Variants in SORBS2 observed in about 807,000 individuals in gnomAD.
SORBS2 encodes sorbin and SH3 domain-containing protein 2.
In SORBS2, 46 loss-of-function variants were observed where a neutral mutation model predicts 97.7. The observed-to-expected ratio is 0.47, with a 90% CI of 0.37 to 0.60. SORBS2 has a LOEUF of 0.60. Ranked by LOEUF, SORBS2 falls within the 20% of genes least tolerant of loss-of-function variation. SORBS2 has a pLI of 0.00. For synonymous variants in SORBS2, 476 were observed against 473.4 expected (o/e 1.01, Z -0.07); for missense variants, 1,316 against 1,282.3 (o/e 1.03, Z -0.40).
At chr4:185,718,187 C>T (rs7694583) in intron 2 of SORBS2, among the ~76,000 whole-genome samples, 11,228 of 151,596 alleles carry the variant, frequency 0.074, 791 homozygotes, top group East Asian at 0.21. Flanking sequence ...GCCAAGATCG[C>T]GCCATTGCAC....
chr4:185,955,948 C>T (rs1236034073), intron 1 of SORBS2, among the ~76,000 whole-genome samples: 1 of 151,884 alleles, frequency 6.6e-6, no homozygotes, highest in Non-Finnish European at 1.5e-5. Context: ...ACCTTCGCAA[C>T]AATAGCAAGA....
chr4:185,939,875 A>AT (rs997685905), intron 1 of SORBS2, among the ~76,000 whole-genome samples: 2 of 152,014 alleles, frequency 1.3e-5, no homozygotes, highest in African/African-American at 4.8e-5. Flanking sequence ...CTTCATCCCC[A>AT]TGCCCCCAGT....
At chr4:185,638,915 T>TG in intron 4 of SORBS2, 1 of 1,491,852 alleles carries the variant, frequency 6.7e-7, no homozygotes, top group East Asian at 2.8e-5. Flanking sequence ...GAGCTTGGTG[T>TG]GGGGGCGCCA....
At chr4:185,908,716 T>C (rs1336610739) in intron 1 of SORBS2, among the ~76,000 whole-genome samples, 2 of 151,922 alleles carry the variant, frequency 1.3e-5, no homozygotes, top group Non-Finnish European at 2.9e-5. Context: ...GTAAAAACTT[T>C]TAGAGCAAAG....
chr4:185,610,246 A>C (rs2153400477), intron 12 of SORBS2, among the ~76,000 whole-genome samples: 1 of 152,330 alleles, frequency 6.6e-6, no homozygotes, highest in Middle Eastern at 3.4e-3. Context: ...TTGAAGGTAC[A>C]GTTGCTTTGA....
intron 1 of SORBS2, among the ~76,000 whole-genome samples, chr4:185,913,138 T>C (rs1389727991): frequency 2.0e-5 from 3 of 152,224 alleles, no homozygotes; most frequent in Non-Finnish European, 4.4e-5. Flanking sequence ...CACAAGGATG[T>C]TTTGCTTCTT....
At position 185,916,150 on chromosome 4, in the gene SORBS2, G is replaced by GT. The variant is rs140197299; in HGVS notation, c.-338+40045dup. Among the ~76,000 whole-genome samples, 46 of 152,314 alleles carry GT rather than the reference G, an allele frequency of 3.0e-4. No homozygotes were observed. In the East Asian group the frequency reaches 8.5e-3, roughly 28 times the overall value. Reference sequence around the variant, plus strand: ...GAGGGCCACTCAGGGTGCAGTATGAGTCATGGACCGGAGGGAAACAAGAAT... The same window carrying GT: ...GAGGGCCACTCAGGGTGCAGTATGAGTTCATGGACCGGAGGGAAACAAGAAT... On this transcript the variant is annotated intron_variant, in intron 1 of 20. Transcript: ENST00000284776.
intron 2 of SORBS2, among the ~76,000 whole-genome samples, chr4:185,759,602 A>G (rs2098854360): frequency 9.8e-6 from 1 of 102,478 alleles, no homozygotes; most frequent in African/African-American, 3.5e-5. Context: ...TGAGTTCTCT[A>G]GGAATTGAAA....
At chr4:185,788,811 G>A (rs907796362) in intron 1 of SORBS2, among the ~76,000 whole-genome samples, 1 of 152,200 alleles carries the variant, frequency 6.6e-6, no homozygotes, top group African/African-American at 2.4e-5. Flanking sequence ...CTAAATTGCA[G>A]AGCCTCCACC....
chr4:185,644,324 T>TAC (rs1202324596), intron 4 of SORBS2, among the ~76,000 whole-genome samples: 20 of 152,190 alleles, frequency 1.3e-4, no homozygotes, highest in Admixed American at 1.2e-3. Flanking sequence ...TTTCCTGTCT[T>TAC]ACAACCAGTC....
At chr4:185,939,990 T>G (rs1243203100) in intron 1 of SORBS2, among the ~76,000 whole-genome samples, 1 of 152,226 alleles carries the variant, frequency 6.6e-6, no homozygotes, top group Non-Finnish European at 1.5e-5. Context: ...TTGACCCAGA[T>G]GAGCCGCACC....
Position 185,953,855 on chromosome 4 carries a change from G to A in SORBS2, c.-338+2341C>T, listed in dbSNP as rs554033817. 3.3e-5 allele frequency among the ~76,000 whole-genome samples: 5 copies of A among 152,334 alleles called. 1 individual carries two copies. The highest frequency in any genetic ancestry group is 4.1e-4 in the South Asian group (2 of 4,828). ...CTGCCCAAGTAGGGCCAATCTCCCC[G>A]GTGTGGGCAGGGAGTAGGCGCAGAG... On this transcript the variant is annotated intron_variant, in intron 1 of 20. Transcript: ENST00000284776.
chr4:185,825,171 C>T (rs1251291960), intron 1 of SORBS2, among the ~76,000 whole-genome samples: 1 of 151,482 alleles, frequency 6.6e-6, no homozygotes, highest in Non-Finnish European at 1.5e-5. Flanking sequence ...TTATTAGGCA[C>T]ATGGGGAATA....
intron 1 of SORBS2, among the ~76,000 whole-genome samples, chr4:185,787,359 T>G (rs2099061104): frequency 6.6e-6 from 1 of 152,128 alleles, no homozygotes. Flanking sequence ...ACTGAACTGA[T>G]GCATTGGGGA....
At chr4:185,769,920 A>C (rs12640727) in intron 2 of SORBS2, among the ~76,000 whole-genome samples, 27,935 of 152,148 alleles carry the variant, frequency 0.18, 2,754 homozygotes, top group Middle Eastern at 0.27. Context: ...AGCAGCAACA[A>C]ACAATGCAGG....
At chr4:185,746,123 T>C (rs2098758367) in intron 2 of SORBS2, among the ~76,000 whole-genome samples, 1 of 152,174 alleles carries the variant, frequency 6.6e-6, no homozygotes, top group Non-Finnish European at 1.5e-5. Context: ...AGACAATGTT[T>C]TCTCTGCGCC....
intron 4 of SORBS2, chr4:185,638,942 A>AG: frequency 6.6e-7 from 1 of 1,516,568 alleles, no homozygotes; most frequent in Non-Finnish European, 8.8e-7. Context: ...GGCGGAGGGG[A>AG]GGGGCTACCA....
chr4:185,765,343 C>G (rs1284101445), intron 2 of SORBS2, among the ~76,000 whole-genome samples: 2 of 151,866 alleles, frequency 1.3e-5, no homozygotes, highest in Admixed American at 6.6e-5. Context: ...GTTAAACATA[C>G]CAAATAGTCT....
Position 185,838,022 on chromosome 4 carries a change from A to G in SORBS2, c.-337-62656T>C, listed in dbSNP as rs142004108. ...CTCTGGTCTGAAAGTCTGTGTCCCT[A>G]CTGAAGTTCTACAGCTTCTTTTATA... is the stretch of plus-strand genomic sequence containing the variant. On this transcript the variant is annotated intron_variant, in intron 1 of 20. Transcript: ENST00000284776. 3.5e-3 allele frequency among the ~76,000 whole-genome samples: 538 copies of G among 152,292 alleles called. 6 individuals are homozygous for G. Among genetic ancestry groups the G allele is most frequent in the African/African-American group, 0.011 (459 of 41,552 alleles).
Sources: allele counts gnomAD v4.1 joint callset (sites outside exome capture counted in the v4.1 genomes callset), GRCh38; gene constraint gnomAD v4.1.1; transcripts MANE v1.5; gene names NCBI Gene and HGNC (gene_info 2026-07-23, HGNC 2026-07-21).